MACROD2: variants seen among roughly 807,000 people sequenced by gnomAD.
MACROD2 encodes the protein mono-ADP ribosylhydrolase 2.
In MACROD2, 36 loss-of-function variants were observed where a neutral mutation model predicts 70.4. The ratio of observed to expected loss-of-function variants is 0.51; its 90% CI spans 0.39 to 0.68. The LOEUF (loss-of-function observed/expected upper bound fraction) is 0.68. Ranked by LOEUF, MACROD2 falls within the 30% of genes least tolerant of loss-of-function variation. MACROD2 has a pLI of 0.00. For synonymous variants in MACROD2, 172 were observed against 178.8 expected (o/e 0.96, Z 0.30); for missense variants, 496 against 538.4 (o/e 0.92, Z 0.78).
At chr20:14,706,472 C>T (rs1254320380) in intron 5 of MACROD2, among the ~76,000 whole-genome samples, 1 of 152,058 alleles carries the variant, frequency 6.6e-6, no homozygotes, top group Non-Finnish European at 1.5e-5. Flanking sequence ...CCTCTGACTT[C>T]CAAGACTTCA....
intron 3 of MACROD2, among the ~76,000 whole-genome samples, chr20:14,443,071 T>C: frequency 6.7e-6 from 1 of 150,134 alleles, no homozygotes. Context: ...AGAGCGAGAC[T>C]CTGTCTCAAG....
chr20:14,066,433 A>G lies in MACROD2; in HGVS notation c.164-19188A>G, dbSNP rs115733156. Among the ~76,000 whole-genome samples, 800 of 152,358 alleles carry G rather than the reference A, an allele frequency of 5.3e-3. 12 individuals are homozygous for G. The highest frequency in any genetic ancestry group is 0.019 in the African/African-American group (776 of 41,584). On this transcript the variant is annotated intron_variant, in intron 2 of 17. Transcript: ENST00000684519. ...TTCACTGTTTGGTATTTTGATACAT[A>G]GTCTTGAAAGTCTGTCCATTTTTGT...
chr20:14,496,655 C>A (rs1379338969), intron 4 of MACROD2, among the ~76,000 whole-genome samples: 4 of 148,664 alleles, frequency 2.7e-5, no homozygotes, highest in African/African-American at 1.0e-4. Context: ...ATTACTTCTA[C>A]TCAGTCATTT....
intron 3 of MACROD2, among the ~76,000 whole-genome samples, chr20:14,492,789 A>G (rs1388521216): frequency 6.6e-6 from 1 of 152,124 alleles, no homozygotes; most frequent in African/African-American, 2.4e-5. Flanking sequence ...AAATTTAGGC[A>G]TAAGGTTGTT....
chr20:14,648,909 T>G (rs2123506336), intron 4 of MACROD2, among the ~76,000 whole-genome samples: 1 of 152,302 alleles, frequency 6.6e-6, no homozygotes, highest in South Asian at 2.1e-4. Flanking sequence ...CTCCTTTCTC[T>G]CATCTGGAAA....
intron 8 of MACROD2, among the ~76,000 whole-genome samples, chr20:15,543,960 T>G (rs1020164603): frequency 9.9e-5 from 15 of 152,234 alleles, no homozygotes; most frequent in African/African-American, 3.6e-4. Flanking sequence ...ACATCACATC[T>G]GCTAGCATCT....
intron 5 of MACROD2, among the ~76,000 whole-genome samples, chr20:14,717,872 A>T (rs1600580922): frequency 6.6e-6 from 1 of 152,256 alleles, no homozygotes; most frequent in East Asian, 1.9e-4. Context: ...GAGCTAGGGG[A>T]GGAAGGAGGC....
intron 3 of MACROD2, among the ~76,000 whole-genome samples, chr20:14,267,587 C>T (rs2082154452): frequency 6.6e-6 from 1 of 152,038 alleles, no homozygotes; most frequent in Non-Finnish European, 1.5e-5. Flanking sequence ...ATCATTCAAA[C>T]CAGGGCAATA....
intron 2 of MACROD2, among the ~76,000 whole-genome samples, chr20:14,013,717 G>C (rs1601112861): frequency 1.4e-5 from 1 of 71,496 alleles, no homozygotes; most frequent in Admixed American, 2.4e-4. Context: ...TTTCGCTCTT[G>C]TTGCCCAGGC....
intron 6 of MACROD2, among the ~76,000 whole-genome samples, chr20:15,319,577 G>T (rs1353958791): frequency 6.6e-6 from 1 of 152,178 alleles, no homozygotes; most frequent in Non-Finnish European, 1.5e-5. Flanking sequence ...GTAGGAAACA[G>T]TTTGGCAGTT....
chr20:15,187,234 T>C (rs892512589), intron 5 of MACROD2, among the ~76,000 whole-genome samples: 2 of 152,194 alleles, frequency 1.3e-5, no homozygotes, highest in African/African-American at 4.8e-5. Flanking sequence ...ACATTTCCCC[T>C]TTATGATGAC....
chr20:15,489,087 G>A (rs192165708), intron 7 of MACROD2, among the ~76,000 whole-genome samples: 1 of 152,268 alleles, frequency 6.6e-6, no homozygotes, highest in East Asian at 1.9e-4. Context: ...CAGAGCAGAG[G>A]AAACACAACT....
At position 15,644,759 on chromosome 20, in the gene MACROD2, G is replaced by A. The variant is rs971029959; in HGVS notation, c.645+144912G>A. On this transcript the variant is annotated intron_variant, in intron 8 of 17. Coordinates refer to ENST00000684519, the MANE Select transcript of MACROD2 (RefSeq NM_001351661.2). ...GGCTGGAGTACAATGGCACGGTCTC[G>A]GCTCAGTGCAACCTCCGCCTCCCAG... 5.9e-5 allele frequency among the ~76,000 whole-genome samples: 9 copies of A among 152,192 alleles called. 1 individual carries two copies. Among genetic ancestry groups the A allele is most frequent in the Non-Finnish European group, 5.9e-5 (4 of 68,006 alleles).
chr20:15,593,886 A>T (rs1204143065), intron 8 of MACROD2, among the ~76,000 whole-genome samples: 1 of 152,204 alleles, frequency 6.6e-6, no homozygotes, highest in Non-Finnish European at 1.5e-5. Flanking sequence ...GGAGGAAGCC[A>T]CTTATTGATG....
chr20:14,008,212 C>T (rs559272662), intron 2 of MACROD2, among the ~76,000 whole-genome samples: 17 of 152,108 alleles, frequency 1.1e-4, no homozygotes, highest in Middle Eastern at 3.2e-3. Context: ...TGATCCTACA[C>T]GTAGAAAACC....
In MACROD2 at chr20:14,520,491, TA is replaced by T. The variant is rs1307926683; in HGVS notation, c.301+26984del. Among the ~76,000 whole-genome samples, 97 of 126,984 alleles carry T rather than the reference TA, an allele frequency of 7.6e-4. 1 individual carries two copies. The highest frequency in any genetic ancestry group is 7.5e-3 in the Admixed American group (91 of 12,162). 83.3% of individuals were successfully genotyped at this position (126,984 alleles called of 152,430 possible). ...CACTGTTTGAGGTTTTTTTTGTTAT[TA>T]TTTTTTTTTTTTCTGTTTCTACAGC... On this transcript the variant is annotated intron_variant, in intron 4 of 17. Coordinates refer to ENST00000684519, the MANE Select transcript of MACROD2 (RefSeq NM_001351661.2).
rs77422343 is a variant in MACROD2 at position 15,534,878 on chromosome 20, G to T, written c.645+35031G>T. Among the ~76,000 whole-genome samples, 5 of 151,980 alleles carry T rather than the reference G, an allele frequency of 3.3e-5. No homozygotes were observed. The East Asian group carries it at 9.6e-4, about 29-fold the overall frequency. On this transcript the variant is annotated intron_variant, in intron 8 of 17. Coordinates refer to ENST00000684519, the MANE Select transcript of MACROD2 (RefSeq NM_001351661.2). ...CTCTACATTCTTGCCAACTCTAACT[G>T]AATTCAGCTTCTGAATTCAACTCAA...
intron 8 of MACROD2, among the ~76,000 whole-genome samples, chr20:15,744,693 TACAC>T (rs11467530): frequency 0.15 from 22,710 of 147,926 alleles, 1,837 homozygotes; most frequent in African/African-American, 0.21. Flanking sequence ...AAACCAAGTA[TACAC>T]ACACACACAC....
At chr20:15,147,647 G>C (rs2076240315) in intron 5 of MACROD2, among the ~76,000 whole-genome samples, 1 of 152,132 alleles carries the variant, frequency 6.6e-6, no homozygotes, top group Non-Finnish European at 1.5e-5. Context: ...GGTGACAGGA[G>C]ACTAATCATT....
Sources: gnomAD v4.1 joint callset for allele counts (sites outside exome capture counted in the v4.1 genomes callset) on GRCh38, gnomAD v4.1.1 for gene constraint, MANE v1.5 for transcripts, NCBI Gene and HGNC (gene_info 2026-07-23, HGNC 2026-07-21) for gene names.